Variants in NEGR1 observed in about 807,000 individuals in gnomAD.
The protein encoded by NEGR1 is IgLON family member 4.
NEGR1 carries 10 observed loss-of-function variants against 40.9 expected under a neutral mutation model. That is an observed-to-expected ratio of 0.24 (90% CI 0.15 to 0.42). NEGR1 has a LOEUF of 0.42. Among genes scored for constraint, NEGR1 ranks in the 10% least tolerant of loss-of-function variants. The pLI is 1.00. For synonymous variants in NEGR1, 185 were observed against 166.8 expected (o/e 1.11, Z -0.84); for missense variants, 352 against 438.9 (o/e 0.80, Z 1.77).
chr1:72,033,230 G>C (rs1646874664), intron 1 of NEGR1, among the ~76,000 whole-genome samples: 1 of 152,082 alleles, frequency 6.6e-6, no homozygotes, highest in South Asian at 2.1e-4. Flanking sequence ...GATATGCCTG[G>C]CATGATAAAA....
intron 6 of NEGR1, among the ~76,000 whole-genome samples, chr1:71,549,829 C>G (rs928861534): frequency 6.6e-6 from 1 of 151,608 alleles, no homozygotes; most frequent in African/African-American, 2.4e-5. Flanking sequence ...AGGAGGGACC[C>G]TGTCAGCAAT....
chr1:71,783,571 G>A (rs1380030420), intron 2 of NEGR1, among the ~76,000 whole-genome samples: 1 of 152,066 alleles, frequency 6.6e-6, no homozygotes, highest in East Asian at 1.9e-4. Flanking sequence ...AAGATACCAA[G>A]CATGAGTTTT....
At chr1:71,620,597 G>A (rs1213981171) in intron 4 of NEGR1, among the ~76,000 whole-genome samples, 2 of 151,916 alleles carry the variant, frequency 1.3e-5, no homozygotes, top group Non-Finnish European at 2.9e-5. Flanking sequence ...TTTTTATGAA[G>A]CAAATATGTC....
chr1:71,401,622 C>A lies in NEGR1; in HGVS notation c.*5824G>T, dbSNP rs1169039814. 1 of 152,106 alleles carries A rather than the reference C, an allele frequency of 6.6e-6. No homozygotes were observed. The highest frequency in any genetic ancestry group is 1.9e-4 in the East Asian group (1 of 5,198). 9.4% of individuals were successfully genotyped at this position (152,106 alleles called of 1,614,324 possible). Reference sequence around the variant, plus strand: ...CATGTTAGTATTTCAATATAAATGGCCTCAAACAACATCACTCAGATTAAA... The same window carrying A: ...CATGTTAGTATTTCAATATAAATGGACTCAAACAACATCACTCAGATTAAA... On this transcript the variant is annotated 3_prime_UTR_variant, in exon 7 of 7. Transcript: ENST00000357731.
rs1323406634 is a variant in NEGR1, at chr1:71,560,439, ATATATATATG to A, written c.940+32368_940+32377del. On this transcript the variant is annotated intron_variant, in intron 6 of 6. Coordinates refer to ENST00000357731, the MANE Select transcript of NEGR1 (RefSeq NM_173808.3). ...CTGTGTAATTCTCCATTATATATAT[ATATATATATG>A]TATATATATATTTCCAATTAACCAT... 5.7e-4 allele frequency among the ~76,000 whole-genome samples: 78 copies of A among 136,224 alleles called. 3 individuals are homozygous for A. Among genetic ancestry groups the A allele is most frequent in the Non-Finnish European group, 8.6e-4 (54 of 63,056 alleles). 89.4% of individuals were successfully genotyped at this position (136,224 alleles called of 152,430 possible). A position where few individuals can be genotyped will look rare whatever the true frequency, so the allele number is the denominator to read the frequency against.
At chr1:72,007,957 A>G (rs1020738292) in intron 1 of NEGR1, among the ~76,000 whole-genome samples, 11 of 152,176 alleles carry the variant, frequency 7.2e-5, no homozygotes, top group South Asian at 4.1e-4. Flanking sequence ...AGTTTTAACT[A>G]TGAAGAAGTA....
intron 6 of NEGR1, among the ~76,000 whole-genome samples, chr1:71,438,527 G>A (rs1646525413): frequency 6.6e-6 from 1 of 152,138 alleles, no homozygotes; most frequent in Non-Finnish European, 1.5e-5. Context: ...AATAAAGAGA[G>A]GTTTTAGGTG....
intron 1 of NEGR1, among the ~76,000 whole-genome samples, chr1:72,275,571 A>T (rs575845453): frequency 9.1e-4 from 138 of 152,234 alleles, no homozygotes; most frequent in African/African-American, 3.2e-3. Context: ...AATGTAATGA[A>T]TGATATCAAG....
At chr1:72,133,003 A>G (rs1409656122) in intron 1 of NEGR1, among the ~76,000 whole-genome samples, 1 of 152,108 alleles carries the variant, frequency 6.6e-6, no homozygotes, top group South Asian at 2.1e-4. Flanking sequence ...TTCTGAAAAA[A>G]TAATAAGACA....
chr1:71,709,653 G>A (rs540790993), intron 3 of NEGR1, among the ~76,000 whole-genome samples: 1 of 151,998 alleles, frequency 6.6e-6, no homozygotes, highest in Non-Finnish European at 1.5e-5. Flanking sequence ...TGGCAAAACT[G>A]GATATTCATA....
intron 4 of NEGR1, among the ~76,000 whole-genome samples, chr1:71,683,588 AT>A (rs200362803): frequency 2.7e-5 from 4 of 150,942 alleles, no homozygotes; most frequent in Admixed American, 6.6e-5. Flanking sequence ...CTCAGGTTTA[AT>A]TTTTTTTTAA....
intron 1 of NEGR1, among the ~76,000 whole-genome samples, chr1:72,155,610 T>G (rs1318589609): frequency 6.6e-6 from 1 of 152,092 alleles, no homozygotes; most frequent in South Asian, 2.1e-4. Flanking sequence ...ATATAAAATA[T>G]TTTTAACATT....
intron 4 of NEGR1, among the ~76,000 whole-genome samples, chr1:71,688,343 T>TATAAAAA (rs1653117561): frequency 1.4e-5 from 1 of 73,598 alleles, no homozygotes; most frequent in African/African-American, 4.7e-5. Flanking sequence ...GATAGATAGA[T>TATAAAAA]AGATAGATAG....
intron 2 of NEGR1, among the ~76,000 whole-genome samples, chr1:71,877,302 T>C (rs145579092): frequency 8.5e-4 from 130 of 152,314 alleles, no homozygotes; most frequent in African/African-American, 3.0e-3. Flanking sequence ...TGGCTAGAGT[T>C]GCCATAACAA....
At chr1:72,021,696 G>A (rs1009162422) in intron 1 of NEGR1, among the ~76,000 whole-genome samples, 1 of 152,024 alleles carries the variant, frequency 6.6e-6, no homozygotes, top group Middle Eastern at 3.2e-3. Flanking sequence ...AAAAGTGGAA[G>A]GAGAACATTG....
chr1:71,856,815 A>G (rs1659783053), intron 2 of NEGR1, among the ~76,000 whole-genome samples: 1 of 152,068 alleles, frequency 6.6e-6, no homozygotes, highest in African/African-American at 2.4e-5. Context: ...TGCCATATGA[A>G]TTATTTTCTT....
chr1:72,036,655 CAA>C (rs71723530), intron 1 of NEGR1, among the ~76,000 whole-genome samples: 13,654 of 107,860 alleles, frequency 0.13, 600 homozygotes, highest in Middle Eastern at 0.22. Flanking sequence ...GACTCCATCT[CAA>C]AAAAAAAAAA....
intron 2 of NEGR1, among the ~76,000 whole-genome samples, chr1:71,924,779 A>G (rs1340071961): frequency 1.3e-5 from 2 of 152,182 alleles, no homozygotes; most frequent in East Asian, 3.8e-4. Context: ...TTTTACTACA[A>G]CACGCATTCA....
At chr1:71,533,057 C>T (rs574141705) in intron 6 of NEGR1, among the ~76,000 whole-genome samples, 1 of 151,650 alleles carries the variant, frequency 6.6e-6, no homozygotes, top group South Asian at 2.1e-4. Context: ...ACACAATTGA[C>T]CAAAATCCAA....
Sources: allele counts gnomAD v4.1 joint callset (sites outside exome capture counted in the v4.1 genomes callset), GRCh38; gene constraint gnomAD v4.1.1; transcripts MANE v1.5; gene names NCBI Gene and HGNC (gene_info 2026-07-23, HGNC 2026-07-21).